Variants in PIK3CD observed in about 807,000 individuals in gnomAD.
PIK3CD encodes phosphatidylinositol 4,5-bisphosphate 3-kinase catalytic subunit delta isoform.
A neutral mutation model predicts 122.9 loss-of-function variants in PIK3CD; 20 were observed. That is an observed-to-expected ratio of 0.16 (90% CI 0.11 to 0.24). The LOEUF (loss-of-function observed/expected upper bound fraction) is 0.24. Ranked by LOEUF, PIK3CD falls within the 10% of genes least tolerant of loss-of-function variation. The pLI, the probability that PIK3CD is intolerant of heterozygous loss-of-function variation, is 1.00. For missense variants in PIK3CD, 787 were observed against 1,406.3 expected, an observed-to-expected ratio of 0.56 and a Z score of 7.04; for synonymous variants, 596 against 593.4, an observed-to-expected ratio of 1.00 and a Z score of -0.06.
chr1:9,725,211 A>G (rs1420743596), intron 23 of PIK3CD, among the ~76,000 whole-genome samples: 2 of 152,198 alleles, frequency 1.3e-5, no homozygotes, highest in Non-Finnish European at 2.9e-5. Context: ...CGGGGCTTTC[A>G]GGTGTCCACT....
At position 9,718,627 on chromosome 1, in the gene PIK3CD, C is replaced by A; in HGVS notation, c.1021-67C>A. ...AGGACATTCAAGGGGGAGACTGACA[C>A]CTTAAGGGGGAGGGGAGAGGGGCTG... On this transcript the variant is annotated intron_variant, in intron 8 of 23. Coordinates refer to ENST00000377346, the MANE Select transcript of PIK3CD (RefSeq NM_005026.5). This position sits in a 1 kb window ranked among gnomAD's most constrained non-coding sequence, Gnocchi z 7.2. 7.0e-7 allele frequency: 1 copy of A among 1,429,146 alleles called. No homozygotes were observed. Among genetic ancestry groups the A allele is most frequent in the Non-Finnish European group, 9.7e-7 (1 of 1,027,828 alleles). 88.5% of individuals were successfully genotyped at this position (1,429,146 alleles called of 1,614,324 possible).
At position 9,722,774 on chromosome 1, in the gene PIK3CD, C is replaced by A. The variant is rs1448731763; in HGVS notation, c.2426+168C>A. Among the ~76,000 whole-genome samples, 1 of 152,120 alleles carries A rather than the reference C, an allele frequency of 6.6e-6. No individual in the cohort carries two copies. Among genetic ancestry groups the A allele is most frequent in the Non-Finnish European group, 1.5e-5 (1 of 67,998 alleles). ...CTCTAGGCCAGGAGGCGGCGGGCAG[C>A]AGGATGCGTGAAGGCTGCTCCTGAG... On this transcript the variant is annotated intron_variant, in intron 19 of 23. Transcript: ENST00000377346. The surrounding 1 kb of genome is among the most constrained non-coding windows in gnomAD (Gnocchi z 7.6).
At chr1:9,714,029 T>C (rs1647165085) in intron 3 of PIK3CD, among the ~76,000 whole-genome samples, 1 of 151,958 alleles carries the variant, frequency 6.6e-6, no homozygotes, top group Non-Finnish European at 1.5e-5. Flanking sequence ...ATTTTTTATT[T>C]TTTGTAGAGA....
At position 9,652,153 on chromosome 1, in the gene PIK3CD, C is replaced by T. The variant is rs1351143545; in HGVS notation, c.-138+351C>T. On this transcript the variant is annotated intron_variant, in intron 1 of 23. Coordinates refer to ENST00000377346, the MANE Select transcript of PIK3CD (RefSeq NM_005026.5). The surrounding 1 kb of genome is among the most constrained non-coding windows in gnomAD (Gnocchi z 6.2). ...AGCTGCGCTCACAGCGGCGGTGCGG[C>T]CTCCGGTGCGCCGGCTGAGGCGCGA... Among the ~76,000 whole-genome samples, 2 of 152,142 alleles carry T rather than the reference C, an allele frequency of 1.3e-5. No individual in the cohort carries two copies. The highest frequency in any genetic ancestry group is 1.3e-4 in the Admixed American group (2 of 15,280).
chr1:9,716,286 G>A, intron 5 of PIK3CD, 154 bp from the exon 6 acceptor site: 1 of 838,408 alleles, frequency 1.2e-6, no homozygotes, highest in Non-Finnish European at 1.9e-6. Context: ...GGGGCATTGG[G>A]CATCAGTTTG....
At chr1:9,679,815 G>T (rs1368499092) in intron 1 of PIK3CD, among the ~76,000 whole-genome samples, 2 of 152,104 alleles carry the variant, frequency 1.3e-5, no homozygotes, top group Non-Finnish European at 1.5e-5. Context: ...TGTTGCTGTT[G>T]TTGTTATTGT....
chr1:9,686,560 C>G (rs1645975331), intron 1 of PIK3CD, among the ~76,000 whole-genome samples: 1 of 151,954 alleles, frequency 6.6e-6, no homozygotes, highest in Admixed American at 6.6e-5. Context: ...CACTGTGTGG[C>G]CCAGGCTGGT....
chr1:9,629,112 G>A, the PIK3CD span, among the ~76,000 whole-genome samples: 1 of 152,118 alleles, frequency 6.6e-6, no homozygotes, highest in African/African-American at 2.4e-5. Context: ...GGGGTCTCGG[G>A]CCACTGACGC....
Position 9,724,353 on chromosome 1 carries a change from C to G in PIK3CD, c.2796C>G (p.Phe932Leu). Residue 932 changes from phenylalanine to leucine, a missense_variant, in exon 22 of 24, where the codon TTC becomes TTG. Physicochemically the swap from Phe to Leu is conservative, Grantham distance 22 (BLOSUM62 0). Transcript: ENST00000377346. The surrounding 1 kb of genome is among the most constrained non-coding windows in gnomAD (Gnocchi z 7.3). The stretch of plus-strand genomic sequence containing the variant: ...GAATCAACCGCGAGCGTGTCCCATT[C>G]ATCCTCACCTACGACTTTGTCCATG... ...KFGINRERVP[F>L]ILTYDFVHVI... 3 of 1,614,176 alleles carry G rather than the reference C, an allele frequency of 1.9e-6. No homozygotes were observed. The highest frequency in any genetic ancestry group is 2.5e-6 in the Non-Finnish European group (3 of 1,180,002).
Position 9,717,054 on chromosome 1 carries a change from T to A in PIK3CD, c.876T>A (p.Pro292=). The A allele has an allele frequency of 6.2e-7, 1 of 1,613,994 alleles. No homozygotes were observed. The highest frequency in any genetic ancestry group is 8.5e-7 in the Non-Finnish European group (1 of 1,180,038). ...CCATGCGGGATGAGCAGAGCAACCC[T>A]GCCCCCCAGGTCCAGAAACCGCGTG... The part of the protein sequence containing the change: ...ILAMRDEQSN[P]APQVQKPRAK... Residue 292 remains proline, a synonymous_variant, in exon 7 of 24, where the codon CCT becomes CCA. Transcript: ENST00000377346. The surrounding 1 kb of genome is among the most constrained non-coding windows in gnomAD (Gnocchi z 5.4).
At position 9,715,931 on chromosome 1, in the gene PIK3CD, C is replaced by T. The variant is rs369860279; in HGVS notation, c.453C>T (p.Ala151=). ...TGTGCCAATTCTGCGAGGAGGCGGC[C>T]GCCCGCCGGCAGCAGCTGGGCTGGG... ...AKMCQFCEEA[A]ARRQQLGWEA... is the part of the protein sequence containing the mutation. The change falls in exon 5 of 24, where the codon GCC becomes GCT. Residue 151 remains alanine, a synonymous_variant. Coordinates refer to ENST00000377346, the MANE Select transcript of PIK3CD (RefSeq NM_005026.5). The surrounding 1 kb of genome is among the most constrained non-coding windows in gnomAD (Gnocchi z 4.1). The T allele has an allele frequency of 1.2e-5, 20 of 1,611,760 alleles. No homozygotes were observed. The highest frequency in any genetic ancestry group is 8.0e-5 in the African/African-American group (6 of 74,948).
chr1:9,710,595 A>G lies in PIK3CD; in HGVS notation c.140A>G (p.Gln47Arg). 6.2e-7 allele frequency: 1 copy of G among 1,613,876 alleles called. No homozygotes were observed. Among genetic ancestry groups the G allele is most frequent in the Non-Finnish European group, 8.5e-7 (1 of 1,179,986 alleles). Residue 47 changes from glutamine (Q) to arginine (R), a missense_variant and splice_region_variant, in exon 3 of 24, where the codon CAG becomes CGG. Gln to Arg is a conservative substitution (Grantham distance 43, BLOSUM62 1). Around this residue, in one of 6 missense-constraint regions of PIK3CD, gnomAD observed 592 missense variants for 920.6 expected, o/e 0.64. Coordinates refer to ENST00000377346, the MANE Select transcript of PIK3CD (RefSeq NM_005026.5). This position sits in a 1 kb window ranked among gnomAD's most constrained non-coding sequence, Gnocchi z 4.7. ...AATGCCAACCTCAGCACCATCAAGC[A>G]GGTATGGCCTCCATCCGGTCCTCAG... ...SRNANLSTIK[Q>R]LLWHRAQYEP...
At chr1:9,665,838 C>T (rs1645142532) in intron 1 of PIK3CD, among the ~76,000 whole-genome samples, 1 of 152,096 alleles carries the variant, frequency 6.6e-6, no homozygotes, top group South Asian at 2.1e-4. Flanking sequence ...ACTGCGACCT[C>T]CGCCTCCTGG....
At chr1:9,639,465 A>G in the PIK3CD span, among the ~76,000 whole-genome samples, 1 of 152,028 alleles carries the variant, frequency 6.6e-6, no homozygotes, top group African/African-American at 2.4e-5. Context: ...TAAAACGTCT[A>G]TTTTTAGCCT....
chr1:9,721,894 G>A, intron 16 of PIK3CD, 34 bp downstream of exon 16: 2 of 1,611,478 alleles, frequency 1.2e-6, no homozygotes, highest in Non-Finnish European at 1.7e-6. Context: ...CGGGCAGGGG[G>A]CGGCCCTGAG....
intron 1 of PIK3CD, among the ~76,000 whole-genome samples, chr1:9,656,994 G>A (rs947836666): frequency 1.6e-4 from 24 of 151,086 alleles, no homozygotes; most frequent in African/African-American, 5.4e-4. Context: ...GAGGCCAGAA[G>A]TTAAAAATTA....
chr1:9,691,118 G>A (rs1430282726), intron 1 of PIK3CD, among the ~76,000 whole-genome samples: 3 of 152,170 alleles, frequency 2.0e-5, no homozygotes, highest in Admixed American at 1.3e-4. Flanking sequence ...CCATCGAATG[G>A]AACTCGAACC....
At position 9,724,521 on chromosome 1, in the gene PIK3CD, A is replaced by ACC. The variant is rs1210070134; in HGVS notation, c.2864+103_2864+104dup. On this transcript the variant is annotated intron_variant, in intron 22 of 23. Coordinates refer to ENST00000377346, the MANE Select transcript of PIK3CD (RefSeq NM_005026.5). The surrounding 1 kb of genome is among the most constrained non-coding windows in gnomAD (Gnocchi z 7.3). ...GGTGCAGGATGGGGCTCAGGTCTCA[A>ACC]CCCCACACCTGGCCCCTCACCCCAA... 7.5e-7 allele frequency: 1 copy of ACC among 1,338,772 alleles called. No homozygotes were observed. The highest frequency in any genetic ancestry group is 1.1e-6 in the Non-Finnish European group (1 of 942,930). 82.9% of individuals were successfully genotyped at this position (1,338,772 alleles called of 1,614,324 possible).
In PIK3CD at chr1:9,727,033, A is replaced by G; in HGVS notation, c.3122A>G (p.Asp1041Gly). The change falls in exon 24 of 24, where the codon GAC (aspartate) becomes GGC (glycine). Residue 1041 changes from aspartate to glycine, a missense_variant. Asp to Gly is a moderately conservative substitution (Grantham distance 94). This residue lies in a region of PIK3CD where 60 missense variants were observed against 129.5 expected (regional missense o/e 0.46). Transcript: ENST00000377346. ...TGGCTGGCCCACAACGTGTCCAAAG[A>G]CAACAGGCAGTAGTGGCTCCTCCCA... ...VNWLAHNVSK[D>G]NRQ 1 of 1,614,118 alleles carries G rather than the reference A, an allele frequency of 6.2e-7. No homozygotes were observed. Among genetic ancestry groups the G allele is most frequent in the Non-Finnish European group, 8.5e-7 (1 of 1,180,022 alleles).
Sources: gnomAD v4.1 joint callset for allele counts (sites outside exome capture counted in the v4.1 genomes callset) on GRCh38, gnomAD v4.1.1 for gene constraint, gnomAD v4.1.1 regional missense constraint, Gnocchi (gnomAD v3.1) non-coding constraint, MANE v1.5 for transcripts, NCBI Gene and HGNC (gene_info 2026-07-23, HGNC 2026-07-21) for gene names.